PCDH15: variants seen among roughly 807,000 people sequenced by gnomAD.
PCDH15 encodes protocadherin related 15.
PCDH15 carries 129 observed loss-of-function variants against 178.5 expected under a neutral mutation model. The observed-to-expected ratio is 0.72, with a 90% CI of 0.63 to 0.84. PCDH15 has a LOEUF of 0.84. PCDH15 is among the 40% of genes least tolerant of loss of function. PCDH15 has a pLI of 0.00. For synonymous variants in PCDH15, 800 were observed against 732.0 expected, an observed-to-expected ratio of 1.09 and a Z score of -1.50; for missense variants, 2,230 against 2,099.9, an observed-to-expected ratio of 1.06 and a Z score of -1.21.
At chr10:54,874,856 T>A (rs1312707433) in intron 3 of PCDH15, among the ~76,000 whole-genome samples, 1 of 152,190 alleles carries the variant, frequency 6.6e-6, no homozygotes, top group African/African-American at 2.4e-5. Context: ...ATATGATACA[T>A]GTTTTATTGT....
chr10:54,640,892 T>TC (rs2093972598), intron 2 of PCDH15, among the ~76,000 whole-genome samples: 1 of 152,000 alleles, frequency 6.6e-6, no homozygotes, highest in Non-Finnish European at 1.5e-5. Flanking sequence ...TCACTTGAGG[T>TC]CAGGAGTTGG....
intron 15 of PCDH15, among the ~76,000 whole-genome samples, chr10:54,117,505 T>A (rs1404732148): frequency 6.6e-6 from 1 of 152,180 alleles, no homozygotes; most frequent in East Asian, 1.9e-4. Flanking sequence ...GGTGCCTGTT[T>A]CCGTCCTGTT....
rs137853002 is a variant in PCDH15 at position 54,317,362 on chromosome 10, C to T, written c.785G>A (p.Gly262Asp). ...AAGGACACAAGGAAGAAACATTGGACCCAAGTCATCTCCATCCAGAACATC... is the reference window on the plus strand; with the variant it reads ...AAGGACACAAGGAAGAAACATTGGATCCAAGTCATCTCCATCCAGAACATC... Reference protein sequence around the residue: ...TVDVLDGDDLGPMFLPCVLVP... With the variant: ...TVDVLDGDDLDPMFLPCVLVP... The change falls in exon 8 of 38, where the codon GGT (glycine) becomes GAT (aspartate). Residue 262 changes from glycine to aspartate, a missense_variant. By Grantham distance (94) the Gly-to-Asp change is moderately conservative. Transcript: ENST00000644397. The T allele has an allele frequency of 6.2e-7, 1 of 1,613,958 alleles. No homozygotes were observed. The highest frequency in any genetic ancestry group is 1.1e-5 in the South Asian group (1 of 91,078).
chr10:54,742,161 T>C (rs1427738832), intron 1 of PCDH15, among the ~76,000 whole-genome samples: 1 of 152,066 alleles, frequency 6.6e-6, no homozygotes, highest in Non-Finnish European at 1.5e-5. Flanking sequence ...TCATTGACTC[T>C]TTACAGAAAA....
chr10:55,299,383 T>G (rs2132276238), intron 1 of PCDH15, among the ~76,000 whole-genome samples: 1 of 152,286 alleles, frequency 6.6e-6, no homozygotes, highest in Non-Finnish European at 1.5e-5. Context: ...TTACTCCTCT[T>G]GCAGATGAGA....
chr10:54,172,836 T>C (rs2047053342), intron 13 of PCDH15, among the ~76,000 whole-genome samples: 2 of 152,160 alleles, frequency 1.3e-5, no homozygotes, highest in Admixed American at 1.3e-4. Context: ...GCATTAATTA[T>C]TGAAACCGGA....
At chr10:54,101,945 AG>A (rs1336845515) in intron 15 of PCDH15, among the ~76,000 whole-genome samples, 1 of 152,182 alleles carries the variant, frequency 6.6e-6, no homozygotes, top group African/African-American at 2.4e-5. Context: ...ACTACACTCC[AG>A]CCTGGGCAAC....
At chr10:53,874,756 C>G (rs1381141418) in intron 26 of PCDH15, among the ~76,000 whole-genome samples, 1 of 151,824 alleles carries the variant, frequency 6.6e-6, no homozygotes, top group Non-Finnish European at 1.5e-5. Flanking sequence ...AAATCAAATT[C>G]ATAACAACAT....
chr10:54,718,667 G>A (rs139590173), intron 1 of PCDH15, among the ~76,000 whole-genome samples: 17 of 144,832 alleles, frequency 1.2e-4, no homozygotes, highest in East Asian at 1.0e-3. Context: ...ACAACACTTC[G>A]AAAGATCACA....
At chr10:55,246,156 GA>G (rs796065380) in intron 1 of PCDH15, among the ~76,000 whole-genome samples, 180 of 152,314 alleles carry the variant, frequency 1.2e-3, no homozygotes, top group African/African-American at 4.2e-3. Context: ...TAAGAGATAA[GA>G]GTAAGGACAA....
intron 2 of PCDH15, among the ~76,000 whole-genome samples, chr10:54,593,663 T>C (rs1027031985): frequency 6.6e-6 from 1 of 152,186 alleles, no homozygotes; most frequent in Non-Finnish European, 1.5e-5. Flanking sequence ...TTGGAGTTTA[T>C]TGTGGTTCCA....
chr10:55,127,060 CT>C (rs1410543967), intron 2 of PCDH15, among the ~76,000 whole-genome samples: 1 of 152,048 alleles, frequency 6.6e-6, no homozygotes, highest in East Asian at 1.9e-4. Flanking sequence ...TCTGACAATG[CT>C]TTTGTCTTAG....
chr10:53,842,372 T>C lies in PCDH15; in HGVS notation c.3807-1876A>G, dbSNP rs965060200. ...CCCGGGTTCAAGGGATTCTCCTGTC[T>C]CACGCCTGGATTACAGGCATGCACC... On this transcript the variant is annotated intron_variant, in intron 28 of 37. Transcript: ENST00000644397. Among the ~76,000 whole-genome samples the C allele has an allele frequency of 2.7e-4, 41 of 152,210 alleles. 1 individual carries two copies. Among genetic ancestry groups the C allele is most frequent in the Admixed American group, 2.4e-3 (36 of 15,286 alleles).
chr10:54,274,616 TTGTGTGTGTGTGTGTGTG>T (rs3069673), intron 8 of PCDH15, among the ~76,000 whole-genome samples: 1 of 144,658 alleles, frequency 6.9e-6, no homozygotes, highest in Non-Finnish European at 1.5e-5. Flanking sequence ...CTCAGTTTAA[TTGTGTGTGTGTGTGTGTG>T]TGTGTGTGTG....
At chr10:55,406,972 T>C (rs1838211567) in intron 2 of PCDH15, among the ~76,000 whole-genome samples, 1 of 152,314 alleles carries the variant, frequency 6.6e-6, no homozygotes, top group South Asian at 2.1e-4. Context: ...TGATACACGA[T>C]GCCAAATGTT....
intron 2 of PCDH15, among the ~76,000 whole-genome samples, chr10:55,164,375 A>G (rs1369766231): frequency 1.3e-5 from 2 of 151,530 alleles, no homozygotes; most frequent in Non-Finnish European, 2.9e-5. Context: ...AACATCATTA[A>G]TAATACCTAT....
intron 2 of PCDH15, among the ~76,000 whole-genome samples, chr10:55,510,257 T>C (rs1840850059): frequency 6.6e-6 from 1 of 151,976 alleles, no homozygotes; most frequent in South Asian, 2.1e-4. Flanking sequence ...AAATTTTTTC[T>C]TCATACGGTA....
intron 2 of PCDH15, among the ~76,000 whole-genome samples, chr10:55,621,487 G>A (rs908640053): frequency 1.3e-5 from 2 of 152,146 alleles, no homozygotes; most frequent in African/African-American, 2.4e-5. Flanking sequence ...GGTGACCTGC[G>A]GGAAAGGTAA....
chr10:54,735,662 T>A (rs1408607169), intron 1 of PCDH15, among the ~76,000 whole-genome samples: 1 of 125,836 alleles, frequency 7.9e-6, no homozygotes, highest in Non-Finnish European at 1.7e-5. Flanking sequence ...GTGGCACATA[T>A]ACACCATGGA....
Sources: allele counts gnomAD v4.1 joint callset (sites outside exome capture counted in the v4.1 genomes callset), GRCh38; gene constraint gnomAD v4.1.1; transcripts MANE v1.5; gene names NCBI Gene and HGNC (gene_info 2026-07-23, HGNC 2026-07-21).